The following SHLD3 variants were observed in gnomAD, a reference collection of about 807,000 sequenced individuals.
SHLD3 encodes the protein shieldin complex subunit 3, also known as REV7-interacting novel NHEJ regulator 1.
SHLD3 carries 15 observed loss-of-function variants against 21.4 expected under a neutral mutation model. That is an observed-to-expected ratio of 0.70 (90% CI 0.47 to 1.08). SHLD3 has a LOEUF of 1.08. Among genes scored for constraint, SHLD3 ranks in the 50% least tolerant of loss-of-function variants. The probability of loss-of-function intolerance (pLI) is 0.00; values close to 1 mark genes in which losing one functional copy is unlikely to be tolerated. For missense variants in SHLD3, 273 were observed against 286.1 expected, an observed-to-expected ratio of 0.95 and a Z score of 0.33; for synonymous variants, 103 against 97.2, an observed-to-expected ratio of 1.06 and a Z score of -0.35.
intron 1 of SHLD3, 163 bp downstream of exon 1, chr5:65,625,269 T>C: frequency 1.6e-6 from 1 of 640,814 alleles, no homozygotes; most frequent in Non-Finnish European, 2.8e-6. Flanking sequence ...CTGGATGCTT[T>C]TTAGGTTTAT....
In SHLD3 at chr5:65,629,939, G is replaced by A. The variant is rs187895776; in HGVS notation, c.352G>A (p.Gly118Ser). ...GGAACAGACTAATTCTGGAAATCTGGGTAAACAATCAGAAAAGGGAAAACA... is the reference window on the plus strand; with the variant it reads ...GGAACAGACTAATTCTGGAAATCTGAGTAAACAATCAGAAAAGGGAAAACA... ...LKEQTNSGNL[G>S]KQSEKGKQHK... The change falls in exon 2 of 2, where the codon GGT becomes AGT. Residue 118 changes from glycine (G) to serine (S), a missense_variant. Transcript: ENST00000510585. The A allele has an allele frequency of 5.2e-6, 8 of 1,535,886 alleles. No individual in the cohort carries two copies. Among genetic ancestry groups the A allele is most frequent in the Non-Finnish European group, 7.0e-6 (8 of 1,146,876 alleles).
Position 65,630,416 on chromosome 5 carries a change from AGG to A in SHLD3, c.*77_*78del, listed in dbSNP as rs1231187629. The A allele has an allele frequency of 3.6e-6, 5 of 1,403,550 alleles. No individual in the cohort carries two copies. The highest frequency in any genetic ancestry group is 4.6e-6 in the Non-Finnish European group (5 of 1,084,690). The allele number at this position is 1,403,550 out of a possible 1,614,324, so 86.9% of individuals were successfully genotyped here. On this transcript the variant is annotated 3_prime_UTR_variant, in exon 2 of 2. Coordinates refer to ENST00000510585, the MANE Select transcript of SHLD3 (RefSeq NM_001365341.2). ...TTGAAATAGATAAAATAATTTTTAC[AGG>A]TTTTAAAATTTTTAATGACTTTTTA...
In SHLD3 at chr5:65,630,480, T is replaced by C; in HGVS notation, c.*140T>C. ...CTTGTCAATTAAGTCAAGAAATTGC[T>C]GAGTTCTGCTTATTGGCAGCCTTCT... On this transcript the variant is annotated 3_prime_UTR_variant, in exon 2 of 2. Coordinates refer to ENST00000510585, the MANE Select transcript of SHLD3 (RefSeq NM_001365341.2). 1 of 1,384,480 alleles carries C rather than the reference T, an allele frequency of 7.2e-7. No homozygotes were observed. The highest frequency in any genetic ancestry group is 1.9e-5 in the South Asian group (1 of 53,610). The allele number at this position is 1,384,480 out of a possible 1,614,324, so 85.8% of individuals were successfully genotyped here.
At chr5:65,627,949 A>G (rs1164513548) in intron 1 of SHLD3, among the ~76,000 whole-genome samples, 1 of 152,224 alleles carries the variant, frequency 6.6e-6, no homozygotes, top group East Asian at 1.9e-4. Flanking sequence ...ACAAGAATCC[A>G]TACTCATGGT....
chr5:65,629,499 C>G lies in SHLD3; in HGVS notation c.-89C>G. On this transcript the variant is annotated 5_prime_UTR_variant, in exon 2 of 2. Transcript: ENST00000510585. ...TTTCCCTCTGATTTGGCAAGAGAGA[C>G]AATCTTGCAATAATAAATTAACATT... 2 of 1,434,774 alleles carry G rather than the reference C, an allele frequency of 1.4e-6. No individual in the cohort carries two copies. Among genetic ancestry groups the G allele is most frequent in the South Asian group, 1.5e-5 (1 of 65,096 alleles). 88.9% of individuals were successfully genotyped at this position (1,434,774 alleles called of 1,614,324 possible). A position where few individuals can be genotyped will look rare whatever the true frequency, so the allele number is the denominator to read the frequency against.
At chr5:65,628,498 C>CA (rs1755353785) in intron 1 of SHLD3, among the ~76,000 whole-genome samples, 2 of 148,850 alleles carry the variant, frequency 1.3e-5, no homozygotes, top group African/African-American at 5.0e-5. Flanking sequence ...CTTGCCCTGT[C>CA]ACCCAGGCTG....
chr5:65,625,506 C>T (rs146165388), intron 1 of SHLD3: 22 of 209,346 alleles, frequency 1.1e-4, no homozygotes, highest in Non-Finnish European at 1.9e-4. Flanking sequence ...ATTAGTATTG[C>T]ATGACAGTAG....
rs560440822 is a variant in SHLD3, at chr5:65,629,746, T to G, written c.159T>G (p.Pro53=). 4,532 of 1,536,110 alleles carry G rather than the reference T, an allele frequency of 3.0e-3. 12 individuals are homozygous for G. The highest frequency in any genetic ancestry group is 3.5e-3 in the Non-Finnish European group (4,033 of 1,146,890). The part of the protein sequence containing the change: ...PYDGSKLPLR[P]KRSPPVISEE... ...ATGGGTCCAAGCTTCCACTCAGACC[T>G]AAAAGATCACCACCTGTGATTTCTG... is the stretch of plus-strand genomic sequence containing the variant. The change falls in exon 2 of 2, where the codon CCT becomes CCG. Residue 53 remains proline (P), a synonymous_variant. Coordinates refer to ENST00000510585, the MANE Select transcript of SHLD3 (RefSeq NM_001365341.2).
chr5:65,625,346 A>G, intron 1 of SHLD3: 1 of 432,870 alleles, frequency 2.3e-6, no homozygotes. Context: ...TGCTTCAGTC[A>G]CGAGATTTTA....
intron 1 of SHLD3, among the ~76,000 whole-genome samples, chr5:65,626,761 A>G (rs2150655735): frequency 6.6e-6 from 1 of 152,124 alleles, no homozygotes; most frequent in East Asian, 1.9e-4. Flanking sequence ...AAAAAGTTAA[A>G]TTCCAGTGAT....
chr5:65,628,455 C>T (rs80241147), intron 1 of SHLD3, among the ~76,000 whole-genome samples: 1,629 of 151,692 alleles, frequency 0.011, 22 homozygotes, highest in African/African-American at 0.037. Context: ...TGGTGGAATC[C>T]ATATAATTTT....
chr5:65,628,756 C>A (rs1317863486), intron 1 of SHLD3, among the ~76,000 whole-genome samples: 1 of 152,030 alleles, frequency 6.6e-6, no homozygotes, highest in Non-Finnish European at 1.5e-5. Context: ...CAGGCATGAG[C>A]CACCGCACCT....
rs1379266506 is a variant in SHLD3 at position 65,630,821 on chromosome 5, A to G, written c.*481A>G. 2 of 336,868 alleles carry G rather than the reference A, an allele frequency of 5.9e-6. No individual in the cohort carries two copies. Among genetic ancestry groups the G allele is most frequent in the Non-Finnish European group, 8.4e-6 (2 of 236,740 alleles). The allele number at this position is 336,868 out of a possible 1,614,324, so 20.9% of individuals were successfully genotyped here. A position where few individuals can be genotyped will look rare whatever the true frequency, so the allele number is the denominator to read the frequency against. ...ATTGATAGGCTGTTTTCAAACAACG[A>G]TACAAAATGTATACTTTGCCTAAAA... On this transcript the variant is annotated 3_prime_UTR_variant, in exon 2 of 2. Coordinates refer to ENST00000510585, the MANE Select transcript of SHLD3 (RefSeq NM_001365341.2).
chr5:65,630,685 A>G lies in SHLD3; in HGVS notation c.*345A>G, dbSNP rs1484791037. ...TACCTCAAGTGTAATTTTTTAAAAA[A>G]TAAAACTCGAAACAATTCTCTTTGG... On this transcript the variant is annotated 3_prime_UTR_variant, in exon 2 of 2. Coordinates refer to ENST00000510585, the MANE Select transcript of SHLD3 (RefSeq NM_001365341.2). 3 of 999,834 alleles carry G rather than the reference A, an allele frequency of 3.0e-6. No homozygotes were observed. Among genetic ancestry groups the G allele is most frequent in the Non-Finnish European group, 2.4e-6 (2 of 837,614 alleles). 61.9% of individuals were successfully genotyped at this position (999,834 alleles called of 1,614,324 possible).
Position 65,630,367 on chromosome 5 carries a change from T to TGAATGAATGAATGA in SHLD3, c.*27_*28insGAATGAATGAATGA, listed in dbSNP as rs1378843170. The TGAATGAATGAATGA allele has an allele frequency of 2.1e-6, 3 of 1,458,024 alleles. No individual in the cohort carries two copies. In the African/African-American group the frequency reaches 4.3e-5, roughly 21 times the overall value. 90.3% of individuals were successfully genotyped at this position (1,458,024 alleles called of 1,614,324 possible). ...GAATTCCACTGATTGTCAAAAAGAA[T>TGAATGAATGAATGA]ATTCTGAATGAAATGAATATGGATT... On this transcript the variant is annotated 3_prime_UTR_variant, in exon 2 of 2. Coordinates refer to ENST00000510585, the MANE Select transcript of SHLD3 (RefSeq NM_001365341.2).
intron 1 of SHLD3, chr5:65,625,341 C>A (rs1755160386): frequency 6.7e-6 from 3 of 445,188 alleles, no homozygotes; most frequent in Non-Finnish European, 1.2e-5. Flanking sequence ...TGTGCTGCTT[C>A]AGTCACGAGA....
intron 1 of SHLD3, among the ~76,000 whole-genome samples, chr5:65,628,760 C>T (rs1453928124): frequency 2.0e-5 from 3 of 151,948 alleles, no homozygotes; most frequent in African/African-American, 4.8e-5. Context: ...CATGAGCCAC[C>T]GCACCTGGCA....
chr5:65,628,886 TGG>T (rs1755387319), intron 1 of SHLD3, among the ~76,000 whole-genome samples: 1 of 151,796 alleles, frequency 6.6e-6, no homozygotes, highest in Non-Finnish European at 1.5e-5. Context: ...GGCATGATCT[TGG>T]CTCACTGCAA....
chr5:65,627,348 T>G (rs1039902015), intron 1 of SHLD3, among the ~76,000 whole-genome samples: 2 of 152,050 alleles, frequency 1.3e-5, no homozygotes, highest in Non-Finnish European at 2.9e-5. Context: ...CACTTTATCT[T>G]TTAATATGTA....
Sources: gnomAD v4.1 joint callset for allele counts (sites outside exome capture counted in the v4.1 genomes callset) on GRCh38, gnomAD v4.1.1 for gene constraint, MANE v1.5 for transcripts, NCBI Gene and HGNC (gene_info 2026-07-23, HGNC 2026-07-21) for gene names.